Variants in SMIM35 observed in about 807,000 individuals in gnomAD.
SMIM35 encodes the protein TMPRSS4 antisense RNA 1 (non-protein coding).
chr11:118,031,540 A>G (rs2058319695), intron 1 of SMIM35, among the ~76,000 whole-genome samples: 1 of 152,220 alleles, frequency 6.6e-6, no homozygotes, highest in South Asian at 2.1e-4. Flanking sequence ...AGGCGAGAGT[A>G]TCAAAATTTG....
At chr11:118,040,964 T>G (rs570800263) in intron 1 of SMIM35, among the ~76,000 whole-genome samples, 1 of 151,426 alleles carries the variant, frequency 6.6e-6, no homozygotes, top group Non-Finnish European at 1.5e-5. Context: ...TATAATAATA[T>G]ATAATGTATA....
At position 118,068,315 on chromosome 11, in the gene SMIM35, C is replaced by A. The variant is rs148977269; in HGVS notation, c.7+18436G>T. Among the ~76,000 whole-genome samples the A allele has an allele frequency of 1.1e-3, 162 of 152,198 alleles. 1 individual carries two copies. Among genetic ancestry groups the A allele is most frequent in the Non-Finnish European group, 1.9e-3 (129 of 68,012 alleles). ...CCTCCCCGTAAGCTCAATCCAAATG[C>A]TCCCTCCTCGGGGAGGGAGCCCTCC... On this transcript the variant is annotated intron_variant, in intron 1 of 4. Transcript: ENST00000689828.
intron 1 of SMIM35, among the ~76,000 whole-genome samples, chr11:118,063,151 CA>C (rs1944417717): frequency 2.0e-5 from 3 of 152,240 alleles, no homozygotes; most frequent in Admixed American, 6.5e-5. Context: ...AGGCAACCAG[CA>C]GCCCTCGGGG....
rs535245768 is a variant in SMIM35, at chr11:118,006,192, C to T, written c.*218G>A. The T allele has an allele frequency of 3.9e-5, 6 of 152,366 alleles. No individual in the cohort carries two copies. The highest frequency in any genetic ancestry group is 2.1e-4 in the South Asian group (1 of 4,832). 9.4% of individuals were successfully genotyped at this position (152,366 alleles called of 1,614,324 possible). A position where few individuals can be genotyped will look rare whatever the true frequency, so the allele number is the denominator to read the frequency against. ...AGCACTGACAGCTCCAGGGACACCC[C>T]GCACATGGTATGCTATAATATGCGA... On this transcript the variant is annotated 3_prime_UTR_variant, in exon 5 of 5. Transcript: ENST00000689828.
intron 1 of SMIM35, chr11:118,077,078 A>G (rs1212360995): frequency 2.4e-5 from 12 of 492,100 alleles, no homozygotes; most frequent in Non-Finnish European, 4.0e-5. Flanking sequence ...TCCCCCAATC[A>G]CTCCTGGAAT....
At chr11:118,072,532 T>G (rs1350725159) in intron 1 of SMIM35, among the ~76,000 whole-genome samples, 10 of 151,900 alleles carry the variant, frequency 6.6e-5, no homozygotes, top group Admixed American at 5.9e-4. Flanking sequence ...TACAAATTAC[T>G]GTAGCTAAGC....
At chr11:118,012,728 A>G (rs1377449836) in intron 4 of SMIM35, among the ~76,000 whole-genome samples, 1 of 152,192 alleles carries the variant, frequency 6.6e-6, no homozygotes, top group Admixed American at 6.5e-5. Flanking sequence ...GGAATCAAGT[A>G]CAGAGGGGGC....
chr11:118,083,564 A>G (rs1469364006), intron 1 of SMIM35, among the ~76,000 whole-genome samples: 1 of 152,142 alleles, frequency 6.6e-6, no homozygotes, highest in Non-Finnish European at 1.5e-5. Context: ...ATTTTTGACT[A>G]TGAGTATCTA....
chr11:118,047,135 G>A (rs187870087), intron 1 of SMIM35, among the ~76,000 whole-genome samples: 34 of 152,238 alleles, frequency 2.2e-4, no homozygotes, highest in Admixed American at 1.6e-3. Flanking sequence ...ACCCCAATGC[G>A]GTGACCTTGG....
chr11:118,029,519 G>C (rs1294705681), intron 1 of SMIM35: 3 of 387,754 alleles, frequency 7.7e-6, no homozygotes, highest in African/African-American at 6.3e-5. Flanking sequence ...GCTGGGGGAA[G>C]TTCTGCCAAT....
chr11:118,037,292 C>G (rs1413106425), intron 1 of SMIM35, among the ~76,000 whole-genome samples: 6 of 152,184 alleles, frequency 3.9e-5, no homozygotes, highest in Admixed American at 1.3e-4. Context: ...TGGACTGCAT[C>G]TGGGGCTCCA....
chr11:118,040,415 T>C (rs934064123), intron 1 of SMIM35, among the ~76,000 whole-genome samples: 5 of 152,216 alleles, frequency 3.3e-5, no homozygotes, highest in African/African-American at 1.2e-4. Flanking sequence ...AGCACTTGGC[T>C]TTTCAGCAAA....
At chr11:118,078,396 C>A (rs1007887797) in intron 1 of SMIM35, among the ~76,000 whole-genome samples, 9 of 152,070 alleles carry the variant, frequency 5.9e-5, no homozygotes, top group Non-Finnish European at 1.5e-5. Context: ...CTGCAGGGGC[C>A]CCTCGAGTGA....
intron 1 of SMIM35, among the ~76,000 whole-genome samples, chr11:118,035,708 A>T (rs557790869): frequency 6.6e-6 from 1 of 152,186 alleles, no homozygotes; most frequent in East Asian, 1.9e-4. Flanking sequence ...CTCCCTGCTC[A>T]CGTGTTGTCA....
chr11:118,023,994 G>A (rs73013726), intron 1 of SMIM35, among the ~76,000 whole-genome samples: 14,123 of 149,956 alleles, frequency 0.094, 925 homozygotes, highest in East Asian at 0.36. Context: ...CAGCCTGGGT[G>A]ATAGAGTGAG....
intron 1 of SMIM35, among the ~76,000 whole-genome samples, chr11:118,081,855 C>A (rs979941728): frequency 6.6e-6 from 1 of 152,178 alleles, no homozygotes; most frequent in Admixed American, 6.5e-5. Context: ...AAAATCTAGG[C>A]CTTCAGTTTT....
At chr11:118,017,388 T>C (rs1036046326) in intron 1 of SMIM35, among the ~76,000 whole-genome samples, 1 of 152,116 alleles carries the variant, frequency 6.6e-6, no homozygotes, top group Non-Finnish European at 1.5e-5. Flanking sequence ...CACACAACCT[T>C]GAAGAGTTGC....
chr11:118,079,166 C>A (rs1359050974), intron 1 of SMIM35, among the ~76,000 whole-genome samples: 1 of 152,234 alleles, frequency 6.6e-6, no homozygotes, highest in Non-Finnish European at 1.5e-5. Context: ...AAGTTTCTAG[C>A]CCCGGAGCTA....
chr11:118,021,941 A>G (rs1174636169), intron 1 of SMIM35, among the ~76,000 whole-genome samples: 1 of 152,162 alleles, frequency 6.6e-6, no homozygotes, highest in Non-Finnish European at 1.5e-5. Context: ...ACAGAACACT[A>G]CATCCAACAT....
Sources: allele counts gnomAD v4.1 joint callset (sites outside exome capture counted in the v4.1 genomes callset), GRCh38; gene constraint gnomAD v4.1.1; transcripts MANE v1.5; gene names NCBI Gene and HGNC (gene_info 2026-07-23, HGNC 2026-07-21).